LRP1B: variants seen among roughly 807,000 people sequenced by gnomAD.
LRP1B encodes the protein LDL receptor related protein 1B.
In LRP1B, 217 loss-of-function variants were observed where a neutral mutation model predicts 556.6. The ratio of observed to expected loss-of-function variants is 0.39; its 90% CI spans 0.35 to 0.44. LRP1B has a LOEUF of 0.44. Ranked by LOEUF, LRP1B falls within the 20% of genes least tolerant of loss-of-function variation. The pLI, the probability that LRP1B is intolerant of heterozygous loss-of-function variation, is 1.00. For missense variants in LRP1B, 5,053 were observed against 5,620.8 expected, an observed-to-expected ratio of 0.90 and a Z score of 3.23; for synonymous variants, 2,047 against 1,865.8, an observed-to-expected ratio of 1.10 and a Z score of -2.50.
Position 140,560,078 on chromosome 2 carries a change from G to T in LRP1B, c.7195-18107C>A, listed in dbSNP as rs547804809. ...AAGTGATCAAAGTTAGCATTACTGA[G>T]AAGGGCAAATGTCACTATTATAATC... On this transcript the variant is annotated intron_variant, in intron 43 of 90. Transcript: ENST00000389484. 7.2e-5 allele frequency among the ~76,000 whole-genome samples: 11 copies of T among 152,210 alleles called. 1 individual carries two copies. In the South Asian group the frequency reaches 8.3e-4, roughly 11 times the overall value.
intron 7 of LRP1B, among the ~76,000 whole-genome samples, chr2:141,144,121 A>C (rs2105064134): frequency 6.6e-6 from 1 of 152,280 alleles, no homozygotes; most frequent in African/African-American, 2.4e-5. Flanking sequence ...GCTAAAAGGA[A>C]ATTTTTGACC....
rs568626937 is a variant in LRP1B at position 140,892,471 on chromosome 2, G to A, written c.3767-6136C>T. On this transcript the variant is annotated intron_variant, in intron 23 of 90. Coordinates refer to ENST00000389484, the MANE Select transcript of LRP1B (RefSeq NM_018557.3). ...CAAACTCATGAGAAATAAAACAAAC[G>A]CAAACAAAAGCAATGATATATCATG... Among the ~76,000 whole-genome samples, 18 of 152,222 alleles carry A rather than the reference G, an allele frequency of 1.2e-4. No homozygotes were observed. In the South Asian group the frequency reaches 2.7e-3, roughly 23 times the overall value.
intron 1 of LRP1B, among the ~76,000 whole-genome samples, chr2:141,961,140 C>A (rs548898762): frequency 6.6e-6 from 1 of 151,558 alleles, no homozygotes; most frequent in Admixed American, 6.6e-5. Flanking sequence ...TATGAGCCAA[C>A]CGAGAGGTAA....
Position 141,254,639 on chromosome 2 carries a change from G to A in LRP1B, c.346C>T (p.Leu116=), listed in dbSNP as rs1449842096. The A allele has an allele frequency of 6.2e-7, 1 of 1,605,380 alleles. No individual in the cohort carries two copies. Among genetic ancestry groups the A allele is most frequent in the South Asian group, 1.1e-5 (1 of 90,534 alleles). Residue 116 remains leucine (L), a splice_region_variant and synonymous_variant, in exon 4 of 91, where the codon CTG becomes TTG. Transcript: ENST00000389484. Reference sequence around the variant, plus strand: ...TTCAGCTGTTGGCAATTGGATAACAGTTCTGTAGAGAAAAAACAAATATAT... The same window carrying A: ...TTCAGCTGTTGGCAATTGGATAACAATTCTGTAGAGAAAAAACAAATATAT... The part of the protein sequence containing the change: ...GYDEGVHCQE[L]LSNCQQLNCQ...
chr2:141,299,197 C>G (rs764998476), intron 3 of LRP1B, among the ~76,000 whole-genome samples: 1 of 151,980 alleles, frequency 6.6e-6, no homozygotes, highest in African/African-American at 2.4e-5. Flanking sequence ...TGTAATGAGC[C>G]GAGCAGATAG....
At chr2:141,401,094 T>G (rs1269208081) in intron 3 of LRP1B, among the ~76,000 whole-genome samples, 2 of 152,230 alleles carry the variant, frequency 1.3e-5, no homozygotes, top group African/African-American at 4.8e-5. Flanking sequence ...TTGTAGCATC[T>G]TGTGACCTAC....
In LRP1B at chr2:140,825,030, G is replaced by A. The variant is rs773340575; in HGVS notation, c.5210-11224C>T. Among the ~76,000 whole-genome samples, 5 of 152,032 alleles carry A rather than the reference G, an allele frequency of 3.3e-5. No individual in the cohort carries two copies. In the East Asian group the frequency reaches 7.7e-4, roughly 23 times the overall value. ...TCTCTTTTAGTTGATGAGGCAGTAG[G>A]TAATCATATATTCAACAAACAAATT... On this transcript the variant is annotated intron_variant, in intron 31 of 90. Transcript: ENST00000389484.
At chr2:140,455,223 C>T (rs1390565257) in intron 62 of LRP1B, among the ~76,000 whole-genome samples, 1 of 152,134 alleles carries the variant, frequency 6.6e-6, no homozygotes, top group African/African-American at 2.4e-5. Context: ...TACACAAATA[C>T]TCAGGGACTT....
chr2:140,899,286 C>A (rs1403211423), intron 23 of LRP1B, among the ~76,000 whole-genome samples: 1 of 152,086 alleles, frequency 6.6e-6, no homozygotes, highest in Non-Finnish European at 1.5e-5. Flanking sequence ...GGGCTCTTCT[C>A]AACTAAGCTA....
At chr2:141,359,350 G>A (rs1483235490) in intron 3 of LRP1B, among the ~76,000 whole-genome samples, 1 of 149,950 alleles carries the variant, frequency 6.7e-6, no homozygotes, top group Non-Finnish European at 1.5e-5. Context: ...TAAAAAATAG[G>A]CAAACATTAG....
intron 18 of LRP1B, among the ~76,000 whole-genome samples, chr2:140,976,489 TCTTTTTTTTTTTC>T (rs1300186213): frequency 4.1e-5 from 6 of 147,058 alleles, no homozygotes; most frequent in South Asian, 2.1e-4. Context: ...CATTGAACTA[TCTTTTTTTTTTTC>T]CTTTTTTTTT....
intron 2 of LRP1B, among the ~76,000 whole-genome samples, chr2:141,714,747 G>T (rs776962526): frequency 1.3e-5 from 2 of 152,116 alleles, no homozygotes; most frequent in Non-Finnish European, 2.9e-5. Context: ...GACAGGCCAA[G>T]TAGGACAGGG....
At chr2:141,142,453 T>C (rs998542692) in intron 7 of LRP1B, among the ~76,000 whole-genome samples, 2 of 152,212 alleles carry the variant, frequency 1.3e-5, no homozygotes, top group African/African-American at 4.8e-5. Context: ...CATTAATTGA[T>C]ATTACCACCT....
At chr2:140,322,348 C>A (rs1168413723) in intron 81 of LRP1B, among the ~76,000 whole-genome samples, 1 of 151,868 alleles carries the variant, frequency 6.6e-6, no homozygotes, top group Non-Finnish European at 1.5e-5. Context: ...AAATCTATAC[C>A]TTGTTACTTT....
intron 6 of LRP1B, among the ~76,000 whole-genome samples, chr2:141,213,651 T>C (rs1682661610): frequency 2.0e-5 from 3 of 152,242 alleles, no homozygotes; most frequent in African/African-American, 4.8e-5. Context: ...TGAAACATTG[T>C]TGAATGACAC....
chr2:141,928,525 C>T (rs939868038), intron 1 of LRP1B, among the ~76,000 whole-genome samples: 3 of 152,088 alleles, frequency 2.0e-5, no homozygotes, highest in Non-Finnish European at 2.9e-5. Flanking sequence ...TTCAAAGGTA[C>T]ATTCAAAATT....
At chr2:141,043,225 T>A (rs113527202) in intron 11 of LRP1B, among the ~76,000 whole-genome samples, 327 of 1,762 alleles carry the variant, frequency 0.19, 7 homozygotes, top group African/African-American at 0.17. Context: ...ATAAAATAAA[T>A]TAAAATAAAT....
chr2:141,105,553 T>C (rs1174661629), intron 7 of LRP1B, among the ~76,000 whole-genome samples: 1 of 152,146 alleles, frequency 6.6e-6, no homozygotes, highest in Non-Finnish European at 1.5e-5. Flanking sequence ...ACCTGAGCTA[T>C]GTCAACATGT....
chr2:141,195,797 T>C (rs1400023057), intron 6 of LRP1B, among the ~76,000 whole-genome samples: 1 of 152,098 alleles, frequency 6.6e-6, no homozygotes. Context: ...TCCCTTGCAT[T>C]GTCCCATCCT....
Sources: gnomAD v4.1 joint callset for allele counts (sites outside exome capture counted in the v4.1 genomes callset) on GRCh38, gnomAD v4.1.1 for gene constraint, MANE v1.5 for transcripts, NCBI Gene and HGNC (gene_info 2026-07-23, HGNC 2026-07-21) for gene names.